The following PCYT1B variants were observed in gnomAD, a reference collection of about 807,000 sequenced individuals.
The protein encoded by PCYT1B is phosphate cytidylyltransferase 1B, choline, also known as choline-phosphate cytidylyltransferase B.
A neutral mutation model predicts 26.4 loss-of-function variants in PCYT1B; 10 were observed. The ratio of observed to expected loss-of-function variants is 0.38; its 90% confidence interval spans 0.23 to 0.64. PCYT1B has a LOEUF of 0.64. PCYT1B is among the 30% of genes least tolerant of loss of function. The pLI is 0.56. For missense variants in PCYT1B, 161 were observed against 292.7 expected (o/e 0.55, Z 3.28); for synonymous variants, 131 against 108.4 (o/e 1.21, Z -1.29).
chrX:24,585,458 C>T (rs1924339828), intron 5 of PCYT1B, among the ~76,000 whole-genome samples: 1 of 111,553 alleles, frequency 9.0e-6, no homozygotes, highest in Non-Finnish European at 1.9e-5. Context: ...TTAAGATCAG[C>T]ATGACTGCTG....
intron 7 of PCYT1B, among the ~76,000 whole-genome samples, chrX:24,568,461 A>T (rs1278259409): frequency 1.8e-5 from 2 of 111,373 alleles, no homozygotes; most frequent in Non-Finnish European, 3.8e-5. Flanking sequence ...CCTAGGTGGG[A>T]AGATCGCTTG....
At chrX:24,652,569 AAAAGT>A (rs1381515350) in intron 1 of PCYT1B, among the ~76,000 whole-genome samples, 1 of 110,392 alleles carries the variant, frequency 9.1e-6, no homozygotes, top group Non-Finnish European at 1.9e-5. Flanking sequence ...CAAAAAAAAA[AAAAGT>A]AATGACAAAA....
intron 1 of PCYT1B, among the ~76,000 whole-genome samples, chrX:24,637,056 T>G (rs1014360664): frequency 5.9e-4 from 66 of 111,524 alleles, no homozygotes; most frequent in African/African-American, 2.2e-3. Context: ...TACAAATTTC[T>G]TAGGAATGCA....
chrX:24,666,916 G>A (rs946430469), intron 1 of PCYT1B, among the ~76,000 whole-genome samples: 2 of 109,864 alleles, frequency 1.8e-5, no homozygotes, highest in African/African-American at 3.3e-5. Context: ...GGGAAGACTG[G>A]GGAAGCCCCA....
intron 7 of PCYT1B, among the ~76,000 whole-genome samples, chrX:24,573,011 CAT>C (rs1462041695): frequency 5.0e-4 from 54 of 107,282 alleles, no homozygotes; most frequent in African/African-American, 1.8e-3. Context: ...TATATACACA[CAT>C]ATACACACAC....
intron 1 of PCYT1B, among the ~76,000 whole-genome samples, chrX:24,629,580 A>AAAAAAC (rs1925993227): frequency 1.0e-5 from 1 of 100,133 alleles, no homozygotes; most frequent in Non-Finnish European, 2.1e-5. Context: ...AAAAAAAAAA[A>AAAAAAC]AAAAAAAAAA....
At chrX:24,573,711 T>A (rs984947684) in intron 7 of PCYT1B, among the ~76,000 whole-genome samples, 1 of 111,899 alleles carries the variant, frequency 8.9e-6, no homozygotes, top group East Asian at 2.8e-4. Context: ...TGTCTGTTTT[T>A]ATGTTCTTCT....
intron 4 of PCYT1B, among the ~76,000 whole-genome samples, chrX:24,588,355 T>TTTTTTG (rs1388740224): frequency 9.0e-6 from 1 of 111,349 alleles, no homozygotes; most frequent in Non-Finnish European, 1.9e-5. Flanking sequence ...TTAAACAGGT[T>TTTTTTG]TTTTTGTTTT....
At chrX:24,606,897 T>C (rs1490943946) in intron 3 of PCYT1B, among the ~76,000 whole-genome samples, 1 of 111,890 alleles carries the variant, frequency 8.9e-6, no homozygotes, top group African/African-American at 3.2e-5. Context: ...AAGTGGTTTT[T>C]AATTGCAGAA....
chrX:24,564,509 G>A (rs1923556777), intron 7 of PCYT1B, among the ~76,000 whole-genome samples: 1 of 109,078 alleles, frequency 9.2e-6, no homozygotes, highest in Admixed American at 9.7e-5. Flanking sequence ...CCCGCCACCC[G>A]GCCTGGCTAA....
At chrX:24,628,021 A>G (rs767357989) in intron 1 of PCYT1B, among the ~76,000 whole-genome samples, 1 of 112,025 alleles carries the variant, frequency 8.9e-6, no homozygotes, top group Admixed American at 9.5e-5. Flanking sequence ...TTGGTTTGAC[A>G]CACCTATTAG....
At chrX:24,593,455 CTTTTCTTTTCTTTTCTTTTCTTTTCTT>C (rs1924657563) in intron 3 of PCYT1B, among the ~76,000 whole-genome samples, 1 of 8,482 alleles carries the variant, frequency 1.2e-4, no homozygotes, top group Admixed American at 1.6e-3. Flanking sequence ...CTTTTCTTTT[CTTTTCTTTTCTTTTCTTTTCTTTTCTT>C]TTCTTTTCTT....
At chrX:24,632,286 G>T in intron 1 of PCYT1B, 1 of 129,443 alleles carries the variant, frequency 7.7e-6, no homozygotes, top group Non-Finnish European at 1.6e-5. Context: ...CCAAAGAAGG[G>T]TGCCAAGAAG....
intron 1 of PCYT1B, among the ~76,000 whole-genome samples, chrX:24,620,279 C>T (rs1311889369): frequency 8.9e-6 from 1 of 112,119 alleles, no homozygotes. Context: ...CCAATAATCC[C>T]TGCCCTTGGG....
chrX:24,576,612 C>T (rs769436248), intron 6 of PCYT1B, among the ~76,000 whole-genome samples: 1 of 111,815 alleles, frequency 8.9e-6, no homozygotes, highest in African/African-American at 3.2e-5. Context: ...GCCTGTGTTT[C>T]GGAAGTTTTT....
rs191485606 is a variant in PCYT1B, at chrX:24,576,233, T to G, written c.709-915A>C. ...ATGTGGCTCTTCCCCCATGAAATCATGATGTTTCTCCTAAAGGGGTAAGGC... is the reference window on the plus strand; with the variant it reads ...ATGTGGCTCTTCCCCCATGAAATCAGGATGTTTCTCCTAAAGGGGTAAGGC... On this transcript the variant is annotated intron_variant, in intron 6 of 7. Coordinates refer to ENST00000379144, the MANE Select transcript of PCYT1B (RefSeq NM_004845.5). 4.4e-3 allele frequency among the ~76,000 whole-genome samples: 496 copies of G among 112,520 alleles called. 4 individuals are homozygous for G. Among genetic ancestry groups the G allele is most frequent in the African/African-American group, 0.015 (474 of 31,021 alleles).
intron 2 of PCYT1B, among the ~76,000 whole-genome samples, chrX:24,615,481 T>C (rs1344524060): frequency 9.1e-6 from 1 of 110,049 alleles, no homozygotes; most frequent in Non-Finnish European, 1.9e-5. Flanking sequence ...TTTTTTTTTT[T>C]GAGGTGAAGT....
At chrX:24,570,691 T>G (rs756082345) in intron 7 of PCYT1B, among the ~76,000 whole-genome samples, 1 of 111,685 alleles carries the variant, frequency 9.0e-6, no homozygotes, top group Non-Finnish European at 1.9e-5. Context: ...TTTGAGGTAA[T>G]TTGTTACCAC....
At chrX:24,584,335 T>G (rs761416602) in intron 5 of PCYT1B, among the ~76,000 whole-genome samples, 11 of 111,685 alleles carry the variant, frequency 9.8e-5, no homozygotes, top group African/African-American at 3.6e-4. Context: ...TCTCATAAAT[T>G]AAGTAAGTAA....
Sources: gnomAD v4.1 joint callset for allele counts (sites outside exome capture counted in the v4.1 genomes callset) on GRCh38, gnomAD v4.1.1 for gene constraint, MANE v1.5 for transcripts, NCBI Gene and HGNC (gene_info 2026-07-23, HGNC 2026-07-21) for gene names.